Variants in FBXL2 observed in about 807,000 individuals in gnomAD.
FBXL2 encodes the protein F-box and leucine rich repeat protein 2.
FBXL2 carries 38 observed loss-of-function variants against 69.2 expected under a neutral mutation model. The observed-to-expected ratio is 0.55, with a 90% CI of 0.42 to 0.72. FBXL2 has a LOEUF of 0.72. Among genes scored for constraint, FBXL2 ranks in the 30% least tolerant of loss-of-function variants. The pLI is 0.00. For missense variants in FBXL2, 354 were observed against 520.3 expected, an observed-to-expected ratio of 0.68 and a Z score of 3.11; for synonymous variants, 192 against 201.3, an observed-to-expected ratio of 0.95 and a Z score of 0.39.
the FBXL2 span, among the ~76,000 whole-genome samples, chr3:33,413,806 C>T: frequency 6.6e-6 from 1 of 152,146 alleles, no homozygotes; most frequent in African/African-American, 2.4e-5. Context: ...CCTGTCCAAG[C>T]AATTACCCAG....
chr3:33,378,681 C>T lies in FBXL2; in HGVS notation c.895-4C>T, dbSNP rs759523526. On this transcript the variant is annotated splice_polypyrimidine_tract_variant and splice_region_variant and intron_variant, in intron 12 of 14. Transcript: ENST00000484457. Reference sequence around the variant, plus strand: ...CCACACTGACACAGCATGTTTCTCTCCAGATAACCGACAGCACACTCATCC... The same window carrying T: ...CCACACTGACACAGCATGTTTCTCTTCAGATAACCGACAGCACACTCATCC... 1 of 1,612,064 alleles carries T rather than the reference C, an allele frequency of 6.2e-7. No homozygotes were observed. Among genetic ancestry groups the T allele is most frequent in the South Asian group, 1.1e-5 (1 of 90,358 alleles).
intron 2 of FBXL2, among the ~76,000 whole-genome samples, chr3:33,331,405 C>A (rs1286950127): frequency 6.6e-6 from 1 of 152,160 alleles, no homozygotes; most frequent in African/African-American, 2.4e-5. Flanking sequence ...GAGATGAGGT[C>A]TTTGAGCCTG....
intron 1 of FBXL2, among the ~76,000 whole-genome samples, chr3:33,282,498 T>C (rs1044411069): frequency 6.6e-6 from 1 of 152,206 alleles, no homozygotes; most frequent in Non-Finnish European, 1.5e-5. Flanking sequence ...CCAGCTTTGT[T>C]CTTTTGGCTT....
chr3:33,402,794 T>C (rs623244), intron 12 of FBXL2: 10 of 1,546,478 alleles, frequency 6.5e-6, no homozygotes, highest in Non-Finnish European at 8.7e-6. Flanking sequence ...TCACACAAAC[T>C]AGATACCTGT....
At chr3:33,390,381 G>A (rs768980404), downstream of FBXL2, 74 of 1,613,656 alleles carry the variant, frequency 4.6e-5, no homozygotes, top group Admixed American at 8.0e-4. Context: ...GCAGAAAAAG[G>A]AAAGACAGTA....
intron 2 of FBXL2, among the ~76,000 whole-genome samples, chr3:33,311,559 T>G (rs1004951885): frequency 7.2e-5 from 11 of 152,208 alleles, no homozygotes; most frequent in African/African-American, 2.6e-4. Flanking sequence ...CTTGATCAAG[T>G]CTGCTGCTGA....
rs623244 is a variant in FBXL2 at position 33,402,794 on chromosome 3, T to A, written n.1215-440T>A. The A allele has an allele frequency of 2.8e-5, 44 of 1,546,476 alleles. No individual in the cohort carries two copies. In the South Asian group the frequency reaches 3.3e-4, roughly 12 times the overall value. ...GCTGCAGGCACACGATCACACAAACTAGATACCTGTCTGGGACACTGCAAG... is the reference window on the plus strand; with the variant it reads ...GCTGCAGGCACACGATCACACAAACAAGATACCTGTCTGGGACACTGCAAG... On this transcript the variant is annotated intron_variant and non_coding_transcript_variant, in intron 12 of 12. Coordinates refer to the FBXL2 transcript ENST00000463736.
chr3:33,373,452 G>A, intron 7 of FBXL2, 97 bp downstream of exon 7: 2 of 1,515,482 alleles, frequency 1.3e-6, no homozygotes, highest in Non-Finnish European at 1.8e-6. Flanking sequence ...CAAGAAATAG[G>A]TGACTCCAAG....
chr3:33,298,564 C>T (rs565055940), intron 2 of FBXL2, among the ~76,000 whole-genome samples: 91 of 151,980 alleles, frequency 6.0e-4, no homozygotes, highest in African/African-American at 2.0e-3. Context: ...ATCCCAGCTA[C>T]TGGGGAGGCT....
chr3:33,391,846 C>A (rs910319280), downstream of FBXL2: 1 of 152,294 alleles, frequency 6.6e-6, no homozygotes, highest in African/African-American at 2.4e-5. Flanking sequence ...TCAGTGACAA[C>A]CCAATGCATT....
intron 1 of FBXL2, chr3:33,289,722 CT>C: frequency 1.0e-6 from 1 of 985,248 alleles, no homozygotes. Context: ...TCCCATGGGC[CT>C]TCAATTAGTA....
chr3:33,364,484 GAGGTGTT>G, intron 4 of FBXL2, 134 bp from the exon 5 acceptor site: 2 of 736,040 alleles, frequency 2.7e-6, no homozygotes, highest in South Asian at 3.3e-5. Flanking sequence ...GGATAGAACT[GAGGTGTT>G]ACAGGAATGT....
intron 2 of FBXL2, among the ~76,000 whole-genome samples, chr3:33,319,891 G>A (rs1473079849): frequency 6.6e-6 from 1 of 152,102 alleles, no homozygotes; most frequent in African/African-American, 2.4e-5. Flanking sequence ...CAAAAAATAT[G>A]TAAGATATCT....
At chr3:33,299,652 G>A (rs941214071) in intron 2 of FBXL2, among the ~76,000 whole-genome samples, 1 of 152,096 alleles carries the variant, frequency 6.6e-6, no homozygotes, top group African/African-American at 2.4e-5. Flanking sequence ...GGACTTCAGA[G>A]GGTGTTTCAT....
chr3:33,385,456 A>T (rs377682272), intron 14 of FBXL2, 45 bp from the exon 15 acceptor site: 113 of 1,489,168 alleles, frequency 7.6e-5, no homozygotes, highest in Non-Finnish European at 1.0e-4. Context: ...ATAATCCTAA[A>T]AATAGTAATG....
At chr3:33,340,895 C>CA (rs67092664) in intron 2 of FBXL2, among the ~76,000 whole-genome samples, 6,714 of 85,460 alleles carry the variant, frequency 0.079, 393 homozygotes, top group African/African-American at 0.23. Context: ...TTCCTTTGCC[C>CA]AAAAAAAAAA....
rs184535310 is a variant in FBXL2 at position 33,340,241 on chromosome 3, G to A, written c.66-18726G>A. On this transcript the variant is annotated intron_variant, in intron 2 of 14. Transcript: ENST00000484457. ...GTTTGTATATGTATTTTTATACCTAGGATTTGTATACCTTAGTGGATGAAT... is the reference window on the plus strand; with the variant it reads ...GTTTGTATATGTATTTTTATACCTAAGATTTGTATACCTTAGTGGATGAAT... 1.3e-3 allele frequency among the ~76,000 whole-genome samples: 203 copies of A among 152,196 alleles called. 2 individuals are homozygous for A. The highest frequency in any genetic ancestry group is 4.7e-3 in the African/African-American group (195 of 41,514).
the FBXL2 span, among the ~76,000 whole-genome samples, chr3:33,416,413 T>G: frequency 1.3e-5 from 2 of 152,222 alleles, no homozygotes; most frequent in Non-Finnish European, 2.9e-5. Context: ...AAATGAAACT[T>G]TACAAGGTAA....
chr3:33,320,003 T>C (rs1393423504), intron 2 of FBXL2, among the ~76,000 whole-genome samples: 1 of 152,138 alleles, frequency 6.6e-6, no homozygotes, highest in Admixed American at 6.5e-5. Context: ...TCAAGAAATA[T>C]ATTCATGTAT....
Sources: allele counts gnomAD v4.1 joint callset (sites outside exome capture counted in the v4.1 genomes callset), GRCh38; gene constraint gnomAD v4.1.1; transcripts MANE v1.5; gene names NCBI Gene and HGNC (gene_info 2026-07-23, HGNC 2026-07-21).